Variants in MYOZ3 observed in about 807,000 individuals in gnomAD.
MYOZ3 encodes the protein myozenin 3.
MYOZ3 carries 19 observed loss-of-function variants against 26.5 expected under a neutral mutation model. The ratio of observed to expected loss-of-function variants is 0.72; its 90% CI spans 0.50 to 1.05. MYOZ3 has a LOEUF of 1.05. Ranked by LOEUF, MYOZ3 falls within the 50% of genes least tolerant of loss-of-function variation. The probability of loss-of-function intolerance (pLI) is 0.00; values close to 1 mark genes in which losing one functional copy is unlikely to be tolerated. For missense variants in MYOZ3, 322 were observed against 337.1 expected (o/e 0.96, Z 0.35); for synonymous variants, 135 against 138.8 (o/e 0.97, Z 0.19).
intron 6 of MYOZ3, chr5:150,673,111 G>T (rs75532163): frequency 0.086 from 13,142 of 152,410 alleles, 1,789 homozygotes; most frequent in African/African-American, 0.29. Context: ...TGGCCTATAT[G>T]GGTTTAGAGC....
chr5:150,671,972 A>T, intron 5 of MYOZ3, 64 bp downstream of exon 5: 1 of 1,466,276 alleles, frequency 6.8e-7, no homozygotes, highest in Non-Finnish European at 9.0e-7. Flanking sequence ...TGTGCTCCCC[A>T]TGGGGCAGGA....
intron 2 of MYOZ3, among the ~76,000 whole-genome samples, chr5:150,666,527 T>A (rs867633615): frequency 4.0e-5 from 6 of 148,376 alleles, no homozygotes; most frequent in Non-Finnish European, 7.4e-5. Context: ...GGCAGGAGAA[T>A]CACTAGAACC....
Position 150,672,410 on chromosome 5 carries a change from C to CT in MYOZ3, c.496dup (p.Cys166LeufsTer79). 1 of 1,613,654 alleles carries CT rather than the reference C, an allele frequency of 6.2e-7. No homozygotes were observed. Among genetic ancestry groups the CT allele is most frequent in the Non-Finnish European group, 8.5e-7 (1 of 1,179,802 alleles). On this transcript the variant is annotated frameshift_variant, in exon 6 of 7. Transcript: ENST00000517768. LOFTEE classifies it high-confidence loss of function. ...ACACCGCCATCTCCAAGGGCTACCG[C>CT]TGCCCTTGGCAGGAGTTCGTCAGCT...
intron 2 of MYOZ3, among the ~76,000 whole-genome samples, chr5:150,663,497 C>T (rs1202756262): frequency 6.6e-6 from 1 of 152,092 alleles, no homozygotes; most frequent in Non-Finnish European, 1.5e-5. Context: ...GAGAGTGGAG[C>T]AGGGTGGGAA....
upstream of MYOZ3, chr5:150,661,136 G>A (rs1408164598): frequency 6.6e-6 from 1 of 152,438 alleles, no homozygotes; most frequent in Non-Finnish European, 1.5e-5. Flanking sequence ...CAAGCCCTCT[G>A]TCTGCACAGG....
At chr5:150,667,857 C>A (rs541166663) in intron 2 of MYOZ3, among the ~76,000 whole-genome samples, 1 of 152,302 alleles carries the variant, frequency 6.6e-6, no homozygotes, top group South Asian at 2.1e-4. Context: ...TGTCATTTCA[C>A]CCCGCAAATT....
intron 2 of MYOZ3, among the ~76,000 whole-genome samples, chr5:150,663,728 C>T (rs1758768587): frequency 6.6e-6 from 1 of 152,002 alleles, no homozygotes; most frequent in South Asian, 2.1e-4. Context: ...GACACAGAGG[C>T]TGATGCCTTT....
intron 2 of MYOZ3, among the ~76,000 whole-genome samples, chr5:150,667,779 A>G (rs1758832144): frequency 6.6e-6 from 1 of 152,206 alleles, no homozygotes; most frequent in Non-Finnish European, 1.5e-5. Flanking sequence ...ATTTCCAAAG[A>G]CACATACAAG....
Position 150,672,459 on chromosome 5 carries a change from C to T in MYOZ3, c.544C>T (p.Arg182Ter). 1 of 1,604,904 alleles carries T rather than the reference C, an allele frequency of 6.2e-7. No homozygotes were observed. The highest frequency in any genetic ancestry group is 8.5e-7 in the Non-Finnish European group (1 of 1,174,650). ...CTACCGGGACTACCAGAGCGATGGC[C>T]GAAGTCACACCCCCAGCCCCAACGA... ...VSYRDYQSDG[R>*]SHTPSPNDYR... Residue 182 changes from arginine (R) to a stop codon, truncating the protein, a stop_gained, in exon 6 of 7, where the codon CGA becomes TGA. Coordinates refer to ENST00000517768, the MANE Select transcript of MYOZ3 (RefSeq NM_001122853.3). LOFTEE classifies it high-confidence loss of function.
chr5:150,660,988 C>G (rs1758720699), upstream of MYOZ3: 1 of 152,274 alleles, frequency 6.6e-6, no homozygotes, highest in Admixed American at 6.5e-5. Flanking sequence ...CGACAAATAT[C>G]TGCTGAGTTC....
At chr5:150,668,052 C>T (rs1162117733) in intron 2 of MYOZ3, among the ~76,000 whole-genome samples, 1 of 152,190 alleles carries the variant, frequency 6.6e-6, no homozygotes, top group Non-Finnish European at 1.5e-5. Context: ...TATTTGGTTG[C>T]TATGGCTCCT....
At position 150,677,044 on chromosome 5, in the gene MYOZ3, A is replaced by C. The variant is rs79703932; in HGVS notation, c.*169A>C. The C allele has an allele frequency of 0.035, 22,212 of 627,190 alleles. 2,563 individuals carry two copies. Among genetic ancestry groups the C allele is most frequent in the African/African-American group, 0.29 (15,756 of 54,376 alleles). 38.9% of individuals were successfully genotyped at this position (627,190 alleles called of 1,614,324 possible). ...TCGTCCCAAAACATGGGTGTGTTTC[A>C]AAATTACCTGGGGATGTTGTTCCAA... On this transcript the variant is annotated 3_prime_UTR_variant, in exon 7 of 7. Transcript: ENST00000517768.
In MYOZ3 at chr5:150,676,939, T is replaced by C; in HGVS notation, c.*64T>C. On this transcript the variant is annotated 3_prime_UTR_variant, in exon 7 of 7. Coordinates refer to ENST00000517768, the MANE Select transcript of MYOZ3 (RefSeq NM_001122853.3). ...TGGTAACATCCGGAGCCAAGACTTGTGGACAGCACTTCACAGTTGAAGAAG... is the reference window on the plus strand; with the variant it reads ...TGGTAACATCCGGAGCCAAGACTTGCGGACAGCACTTCACAGTTGAAGAAG... 1.3e-6 allele frequency: 2 copies of C among 1,510,430 alleles called. No individual in the cohort carries two copies. The highest frequency in any genetic ancestry group is 1.8e-6 in the Non-Finnish European group (2 of 1,112,098). The allele number at this position is 1,510,430 out of a possible 1,614,324, so 93.6% of individuals were successfully genotyped here. A position where few individuals can be genotyped will look rare whatever the true frequency, so the allele number is the denominator to read the frequency against.
intron 3 of MYOZ3, 58 bp downstream of exon 3, chr5:150,670,696 TAGCCTAA>T: frequency 1.3e-6 from 2 of 1,520,800 alleles, no homozygotes; most frequent in Non-Finnish European, 1.8e-6. Flanking sequence ...AGCCACTGGT[TAGCCTAA>T]AGTCAAACGG....
At position 150,676,851 on chromosome 5, in the gene MYOZ3, C is replaced by T; in HGVS notation, c.732C>T (p.Asn244=). The change falls in exon 7 of 7, where the codon AAC becomes AAT. Residue 244 remains asparagine, a synonymous_variant. Coordinates refer to ENST00000517768, the MANE Select transcript of MYOZ3 (RefSeq NM_001122853.3). The part of the protein sequence containing the change: ...FNRVAQGWVR[N]LPESEEL The stretch of plus-strand genomic sequence containing the variant: ...GAGTGGCCCAGGGCTGGGTCCGTAA[C>T]CTCCCAGAGTCCGAGGAGCTGTAGC... 1 of 1,612,742 alleles carries T rather than the reference C, an allele frequency of 6.2e-7. No individual in the cohort carries two copies. The highest frequency in any genetic ancestry group is 8.5e-7 in the Non-Finnish European group (1 of 1,179,990).
chr5:150,665,208 C>T (rs143837689), intron 2 of MYOZ3, among the ~76,000 whole-genome samples: 79 of 152,258 alleles, frequency 5.2e-4, no homozygotes, highest in African/African-American at 1.7e-3. Flanking sequence ...TTATTGAGAA[C>T]GTGCTCTCGG....
At chr5:150,667,732 A>G (rs1468047980) in intron 2 of MYOZ3, among the ~76,000 whole-genome samples, 2 of 152,100 alleles carry the variant, frequency 1.3e-5, no homozygotes, top group African/African-American at 2.4e-5. Context: ...GTTCTTACCA[A>G]TCCTCTCTTT....
intron 2 of MYOZ3, among the ~76,000 whole-genome samples, chr5:150,667,512 G>A (rs1299704231): frequency 6.6e-6 from 1 of 152,174 alleles, no homozygotes; most frequent in African/African-American, 2.4e-5. Flanking sequence ...CTGGGCTCTG[G>A]AAACCCAGCT....
chr5:150,678,975 G>T lies in MYOZ3; in HGVS notation c.*2100G>T, dbSNP rs527516561. ...CAGGAGTCCAGCCCATTCCCAGGGT[G>T]TGTGGGATAGCGATTGCATTTTCCT... On this transcript the variant is annotated 3_prime_UTR_variant, in exon 7 of 7. Transcript: ENST00000517768. 95 of 152,536 alleles carry T rather than the reference G, an allele frequency of 6.2e-4. No individual in the cohort carries two copies. Among genetic ancestry groups the T allele is most frequent in the African/African-American group, 2.3e-3 (94 of 41,576 alleles). 9.4% of individuals were successfully genotyped at this position (152,536 alleles called of 1,614,324 possible).
Sources: gnomAD v4.1 joint callset for allele counts (sites outside exome capture counted in the v4.1 genomes callset) on GRCh38, gnomAD v4.1.1 for gene constraint, MANE v1.5 for transcripts, NCBI Gene and HGNC (gene_info 2026-07-23, HGNC 2026-07-21) for gene names.